Variants in PLA2G4E observed in about 807,000 individuals in gnomAD.
PLA2G4E encodes the protein phospholipase A2 group IVE.
A neutral mutation model predicts 109.1 loss-of-function variants in PLA2G4E; 84 were observed. The ratio of observed to expected loss-of-function variants is 0.77; its 90% CI spans 0.65 to 0.92. The LOEUF (loss-of-function observed/expected upper bound fraction) is 0.92, where lower values mean the gene tolerates loss of function less well. Among genes scored for constraint, PLA2G4E ranks in the 40% least tolerant of loss-of-function variants. The pLI is 0.00. For synonymous variants in PLA2G4E, 469 were observed against 436.1 expected, an observed-to-expected ratio of 1.08 and a Z score of -0.94; for missense variants, 1,057 against 1,076.6, an observed-to-expected ratio of 0.98 and a Z score of 0.25.
intron 1 of PLA2G4E, among the ~76,000 whole-genome samples, chr15:42,047,683 A>G (rs1470686212): frequency 1.3e-5 from 2 of 152,122 alleles, no homozygotes; most frequent in African/African-American, 4.8e-5. Flanking sequence ...CCAAGCCTAC[A>G]TGTCCCCCAT....
intron 1 of PLA2G4E, among the ~76,000 whole-genome samples, 144 bp from the exon 1 acceptor site, chr15:42,021,186 C>A (rs2068645434): frequency 6.6e-6 from 1 of 151,630 alleles, no homozygotes; most frequent in Non-Finnish European, 1.5e-5. Flanking sequence ...CTCTTCATAT[C>A]AAAGAAATCA....
chr15:41,984,019 T>G, intron 19 of PLA2G4E, 45 bp from the exon 20 acceptor site: 1 of 1,517,916 alleles, frequency 6.6e-7, no homozygotes, highest in Non-Finnish European at 9.0e-7. Flanking sequence ...TCATGTTAGG[T>G]TGGAATGACT....
intron 9 of PLA2G4E, 56 bp from the exon 10 acceptor site, chr15:41,999,617 C>T: frequency 2.5e-6 from 4 of 1,593,064 alleles, no homozygotes; most frequent in African/African-American, 1.3e-5. Flanking sequence ...GCCAAGTGAT[C>T]CCAGATCCAC....
At chr15:42,049,972 T>C (rs1889479856) in intron 1 of PLA2G4E, among the ~76,000 whole-genome samples, 1 of 152,194 alleles carries the variant, frequency 6.6e-6, no homozygotes, top group African/African-American at 2.4e-5. Flanking sequence ...TATTTGCTCA[T>C]AGGTGGGGTT....
intron 1 of PLA2G4E, among the ~76,000 whole-genome samples, chr15:42,027,453 C>T (rs2068702345): frequency 1.3e-5 from 2 of 152,142 alleles, no homozygotes; most frequent in Admixed American, 6.5e-5. Flanking sequence ...CCAGCTTTTT[C>T]CCAGATGTTG....
intron 1 of PLA2G4E, among the ~76,000 whole-genome samples, chr15:42,037,347 C>A (rs1448636838): frequency 1.3e-5 from 2 of 152,234 alleles, no homozygotes; most frequent in African/African-American, 4.8e-5. Flanking sequence ...AAGCCCTGGG[C>A]TCAGCCAGAG....
intron 5 of PLA2G4E, 39 bp downstream of exon 5, chr15:42,004,899 C>T (rs1206945930): frequency 6.2e-7 from 1 of 1,601,890 alleles, no homozygotes; most frequent in Admixed American, 1.7e-5. Flanking sequence ...TACTTGATGG[C>T]CAGGACCTTG....
chr15:41,991,675 C>G (rs561307106), intron 13 of PLA2G4E, among the ~76,000 whole-genome samples: 1 of 152,128 alleles, frequency 6.6e-6, no homozygotes, highest in African/African-American at 2.4e-5. Flanking sequence ...GATGAGGGTC[C>G]GGTCATTCTC....
At chr15:42,014,904 G>A (rs74008935) in intron 1 of PLA2G4E, among the ~76,000 whole-genome samples, 70,791 of 151,472 alleles carry the variant, frequency 0.47, 17,266 homozygotes, top group African/African-American at 0.59. Flanking sequence ...TAACCCCAGG[G>A]GACCAGAGCC....
chr15:42,050,397 G>A (rs1889486369), intron 1 of PLA2G4E: 1 of 1,186,844 alleles, frequency 8.4e-7, no homozygotes, highest in Non-Finnish European at 1.2e-6. Context: ...CCTCCGGAGA[G>A]AAAGAAATGA....
intron 11 of PLA2G4E, 66 bp downstream of exon 11, chr15:41,997,058 G>T: frequency 6.8e-7 from 1 of 1,461,950 alleles, no homozygotes; most frequent in Non-Finnish European, 9.1e-7. Context: ...GGCCTGGGTT[G>T]GCTGGGAGGG....
chr15:41,994,586 G>T (rs2141033581), intron 12 of PLA2G4E, among the ~76,000 whole-genome samples: 1 of 152,242 alleles, frequency 6.6e-6, no homozygotes, highest in African/African-American at 2.4e-5. Context: ...CTGGTCTTGA[G>T]CTCCTGGCCT....
At chr15:42,026,006 T>C (rs1461273800) in intron 1 of PLA2G4E, among the ~76,000 whole-genome samples, 2 of 152,018 alleles carry the variant, frequency 1.3e-5, no homozygotes, top group Admixed American at 1.3e-4. Context: ...TAGAAGCAAA[T>C]AGGGAAATAT....
chr15:42,017,511 C>T (rs769216582), intron 1 of PLA2G4E, among the ~76,000 whole-genome samples: 114 of 152,212 alleles, frequency 7.5e-4, no homozygotes, highest in Non-Finnish European at 1.2e-3. Context: ...TTATTAGCTT[C>T]GTCTTTATAG....
chr15:42,023,980 A>T (rs1427111546), intron 1 of PLA2G4E, among the ~76,000 whole-genome samples: 1 of 152,216 alleles, frequency 6.6e-6, no homozygotes, highest in African/African-American at 2.4e-5. Flanking sequence ...TCTACTGGAA[A>T]GTATTTACCG....
exon 20 of PLA2G4E, chr15:41,983,637 C>T (rs779270937): frequency 5.4e-6 from 5 of 924,858 alleles, no homozygotes; most frequent in Non-Finnish European, 8.0e-6. Context: ...CCAGGCCAAC[C>T]TGCTCACACC....
chr15:42,024,996 C>A (rs575352858), intron 1 of PLA2G4E, among the ~76,000 whole-genome samples: 2 of 151,932 alleles, frequency 1.3e-5, no homozygotes, highest in South Asian at 2.1e-4. Flanking sequence ...GTCAGGAGAT[C>A]GAGACCATCC....
intron 5 of PLA2G4E, among the ~76,000 whole-genome samples, 182 bp downstream of exon 5, chr15:42,004,756 C>T (rs934114158): frequency 1.3e-5 from 2 of 152,160 alleles, no homozygotes; most frequent in Admixed American, 1.3e-4. Flanking sequence ...GGCCCAGGCT[C>T]CTACACTATG....
intron 1 of PLA2G4E, among the ~76,000 whole-genome samples, chr15:42,025,625 T>C (rs1351593149): frequency 6.6e-6 from 1 of 152,178 alleles, no homozygotes; most frequent in African/African-American, 2.4e-5. Context: ...CCAAGAGACG[T>C]TCCCCCTACC....
Sources: gnomAD v4.1 joint callset for allele counts (sites outside exome capture counted in the v4.1 genomes callset) on GRCh38, gnomAD v4.1.1 for gene constraint, MANE v1.5 for transcripts, NCBI Gene and HGNC (gene_info 2026-07-23, HGNC 2026-07-21) for gene names.